The following ANKS1B variants were observed in gnomAD, a reference collection of about 807,000 sequenced individuals.
ANKS1B encodes the protein ankyrin repeat and sterile alpha motif domain containing 1B, also known as ankyrin repeat and sterile alpha motif domain-containing protein 1B.
Under a neutral mutation model 148.3 loss-of-function variants are expected in ANKS1B, and 36 were observed. The ratio of observed to expected loss-of-function variants is 0.24; its 90% CI spans 0.19 to 0.32. The LOEUF (loss-of-function observed/expected upper bound fraction) is 0.32, where lower values mean the gene tolerates loss of function less well. ANKS1B is among the 10% of genes least tolerant of loss of function. ANKS1B has a pLI of 1.00. For synonymous variants in ANKS1B, 542 were observed against 560.8 expected, an observed-to-expected ratio of 0.97 and a Z score of 0.47; for missense variants, 1,157 against 1,542.6, an observed-to-expected ratio of 0.75 and a Z score of 4.19.
At chr12:99,975,192 C>T (rs534900750) in intron 1 of ANKS1B, among the ~76,000 whole-genome samples, 2 of 152,260 alleles carry the variant, frequency 1.3e-5, no homozygotes, top group African/African-American at 2.4e-5. Context: ...CCAACATTCT[C>T]TTACGAGCCT....
intron 17 of ANKS1B, among the ~76,000 whole-genome samples, chr12:98,930,773 G>A (rs766047950): frequency 3.9e-5 from 6 of 152,038 alleles, no homozygotes; most frequent in Non-Finnish European, 7.4e-5. Flanking sequence ...GTTATGGGGT[G>A]TCTTTTGGGG....
rs1567129301 is a variant in ANKS1B, at chr12:98,848,756, T to TTTTTTTTTTTTTTTTTTG, written c.2779-16621_2779-16620insCAAAAAAAAAAAAAAAAA. 3.6e-5 allele frequency among the ~76,000 whole-genome samples: 5 copies of TTTTTTTTTTTTTTTTTTG among 140,594 alleles called. 1 individual carries two copies. The highest frequency in any genetic ancestry group is 2.1e-4 in the East Asian group (1 of 4,718). The allele number at this position is 140,594 out of a possible 152,430, so 92.2% of individuals were successfully genotyped here. On this transcript the variant is annotated intron_variant, in intron 17 of 26. Coordinates refer to ENST00000683438, the MANE Select transcript of ANKS1B (RefSeq NM_001352186.2). ...TGTGTATGTGTGGTTTTTTTTTTTT[T>TTTTTTTTTTTTTTTTTTG]GAGACGGAGTCTCGCTCTGTTGCCC... is the stretch of plus-strand genomic sequence containing the variant.
In ANKS1B at chr12:99,219,295, T is replaced by C. The variant is rs575645263; in HGVS notation, c.2419+25047A>G. Among the ~76,000 whole-genome samples, 169 of 152,300 alleles carry C rather than the reference T, an allele frequency of 1.1e-3. 1 individual carries two copies. Among genetic ancestry groups the C allele is most frequent in the African/African-American group, 3.9e-3 (164 of 41,576 alleles). ...GACATGTAAATCTTCTCCCAGTCTC[T>C]CACTGATTTTACATCCTAAAAATGC... On this transcript the variant is annotated intron_variant, in intron 14 of 26. Transcript: ENST00000683438.
intron 12 of ANKS1B, among the ~76,000 whole-genome samples, chr12:99,350,341 T>C (rs1445093745): frequency 6.6e-6 from 1 of 151,208 alleles, no homozygotes; most frequent in Non-Finnish European, 1.5e-5. Context: ...GCTCAGGTAT[T>C]TTTTTTATAG....
At chr12:99,307,320 C>T (rs2082491927) in intron 12 of ANKS1B, among the ~76,000 whole-genome samples, 1 of 151,964 alleles carries the variant, frequency 6.6e-6, no homozygotes, top group Non-Finnish European at 1.5e-5. Context: ...CTGACAAAAA[C>T]TCGACAAGTA....
chr12:99,770,263 G>A (rs1394883504), intron 8 of ANKS1B, among the ~76,000 whole-genome samples: 1 of 152,264 alleles, frequency 6.6e-6, no homozygotes, highest in East Asian at 1.9e-4. Flanking sequence ...TGTTTTATAT[G>A]TTAGCCTTCA....
intron 12 of ANKS1B, among the ~76,000 whole-genome samples, chr12:99,267,851 G>A (rs1452200174): frequency 6.6e-6 from 1 of 152,196 alleles, no homozygotes; most frequent in Non-Finnish European, 1.5e-5. Flanking sequence ...GCATGCACAA[G>A]CAAAGATATG....
At chr12:98,985,937 T>C (rs1486749820) in intron 17 of ANKS1B, among the ~76,000 whole-genome samples, 1 of 152,196 alleles carries the variant, frequency 6.6e-6, no homozygotes, top group Non-Finnish European at 1.5e-5. Flanking sequence ...ATTCATGTTC[T>C]CTGCTTTTGT....
intron 17 of ANKS1B, among the ~76,000 whole-genome samples, chr12:98,993,273 T>G (rs1395759238): frequency 6.6e-6 from 1 of 152,200 alleles, no homozygotes; most frequent in Non-Finnish European, 1.5e-5. Context: ...GTTCCAGCGA[T>G]TCATACACCT....
chr12:98,753,836 CTG>C (rs1364400828), intron 25 of ANKS1B, among the ~76,000 whole-genome samples: 4 of 152,238 alleles, frequency 2.6e-5, no homozygotes, highest in Admixed American at 2.6e-4. Context: ...CTGGCCCTCT[CTG>C]TTCCTGCCCA....
chr12:99,945,826 T>A (rs2095046659), intron 1 of ANKS1B, among the ~76,000 whole-genome samples: 1 of 152,154 alleles, frequency 6.6e-6, no homozygotes. Context: ...AGAGTAGACA[T>A]CATAACTGAT....
intron 9 of ANKS1B, among the ~76,000 whole-genome samples, chr12:99,609,070 A>T (rs2153335589): frequency 6.6e-6 from 1 of 152,202 alleles, no homozygotes; most frequent in East Asian, 1.9e-4. Context: ...AAGTAAACAG[A>T]AAAACAGAAT....
At chr12:99,788,939 G>T (rs1473439189) in intron 4 of ANKS1B, among the ~76,000 whole-genome samples, 4 of 152,118 alleles carry the variant, frequency 2.6e-5, no homozygotes, top group African/African-American at 9.7e-5. Flanking sequence ...TGCCAATTTA[G>T]CTGCAGTAAA....
intron 12 of ANKS1B, among the ~76,000 whole-genome samples, chr12:99,294,557 G>A (rs2080554076): frequency 6.6e-6 from 1 of 152,148 alleles, no homozygotes; most frequent in African/African-American, 2.4e-5. Flanking sequence ...AGGAGAAATG[G>A]GGATGGTTAG....
At chr12:99,277,007 C>T (rs7316801) in intron 12 of ANKS1B, among the ~76,000 whole-genome samples, 2,739 of 152,166 alleles carry the variant, frequency 0.018, 84 homozygotes, top group African/African-American at 0.062. Flanking sequence ...CCTTTCTTGC[C>T]GAATATCACT....
At chr12:98,983,956 ATG>A (rs2153232935) in intron 17 of ANKS1B, among the ~76,000 whole-genome samples, 1 of 152,312 alleles carries the variant, frequency 6.6e-6, no homozygotes, top group South Asian at 2.1e-4. Context: ...ATTTGAGCAG[ATG>A]TAAGAGTCTC....
chr12:99,981,727 A>G (rs977566881), intron 1 of ANKS1B, among the ~76,000 whole-genome samples: 2 of 152,088 alleles, frequency 1.3e-5, no homozygotes, highest in Non-Finnish European at 2.9e-5. Flanking sequence ...ATGACAATGG[A>G]CCTCCTAAGG....
intron 10 of ANKS1B, among the ~76,000 whole-genome samples, chr12:99,500,558 A>G (rs1298528633): frequency 6.6e-6 from 1 of 152,178 alleles, no homozygotes; most frequent in Admixed American, 6.5e-5. Flanking sequence ...CAGATTTGTG[A>G]GCAAAATAAA....
At chr12:98,930,963 T>TC (rs2099813185) in intron 17 of ANKS1B, among the ~76,000 whole-genome samples, 1 of 152,088 alleles carries the variant, frequency 6.6e-6, no homozygotes, top group South Asian at 2.1e-4. Context: ...CTTTTTTTTT[T>TC]CTCCCCTATT....
Sources: gnomAD v4.1 joint callset for allele counts (sites outside exome capture counted in the v4.1 genomes callset) on GRCh38, gnomAD v4.1.1 for gene constraint, MANE v1.5 for transcripts, NCBI Gene and HGNC (gene_info 2026-07-23, HGNC 2026-07-21) for gene names.